Variants in ZNF675 observed in about 807,000 individuals in gnomAD.
ZNF675 encodes zinc finger protein 675, also known as TRAF6 inhibitory zinc finger.
In ZNF675, 36 loss-of-function variants were observed where a neutral mutation model predicts 56.1. That is an observed-to-expected ratio of 0.64 (90% CI 0.49 to 0.85). ZNF675 has a LOEUF of 0.85. ZNF675 is among the 40% of genes least tolerant of loss of function. The pLI is 0.00. For synonymous variants in ZNF675, 200 were observed against 218.9 expected, an observed-to-expected ratio of 0.91 and a Z score of 0.76; for missense variants, 663 against 654.2, an observed-to-expected ratio of 1.01 and a Z score of -0.15.
intron 1 of ZNF675, among the ~76,000 whole-genome samples, chr19:23,666,627 C>T (rs1210827687): frequency 6.6e-6 from 1 of 152,142 alleles, no homozygotes; most frequent in Non-Finnish European, 1.5e-5. Context: ...ATTCTTTGTT[C>T]AAAAGGCCAA....
chr19:23,678,568 T>TG (rs1968332117), intron 1 of ZNF675, among the ~76,000 whole-genome samples: 1 of 11,918 alleles, frequency 8.4e-5, no homozygotes, highest in Non-Finnish European at 2.8e-4. Context: ...TATTCTTAAC[T>TG]TAAAAAAAAA....
chr19:23,661,402 A>AC (rs1388589692), intron 3 of ZNF675, among the ~76,000 whole-genome samples: 2 of 14,608 alleles, frequency 1.4e-4, no homozygotes, highest in South Asian at 0.013. Context: ...AAATGAAAAA[A>AC]AAAAAGGGCG....
rs749671678 is a variant in ZNF675, at chr19:23,654,061, T to C, written c.872A>G (p.Lys291Arg). Reference sequence around the variant, plus strand: ...AAGATTTGAGAACTGGTTAAAGGCTTTGCCACATTCTTCACATTTGTAGGG... The same window carrying C: ...AAGATTTGAGAACTGGTTAAAGGCTCTGCCACATTCTTCACATTTGTAGGG... ...EKPYKCEECG[K>R]AFNQFSNLTT... is the part of the protein sequence containing the mutation. Residue 291 changes from lysine (K) to arginine (R), a missense_variant, in exon 4 of 4, where the codon AAA becomes AGA. Coordinates refer to ENST00000359788, the MANE Select transcript of ZNF675 (RefSeq NM_138330.3). 7.7e-5 allele frequency: 125 copies of C among 1,613,716 alleles called. 1 individual carries two copies. The highest frequency in any genetic ancestry group is 1.0e-4 in the Non-Finnish European group (121 of 1,180,018).
intron 3 of ZNF675, among the ~76,000 whole-genome samples, chr19:23,661,151 C>T (rs550384232): frequency 6.6e-6 from 1 of 152,022 alleles, no homozygotes; most frequent in South Asian, 2.1e-4. Flanking sequence ...GGTTTCCAAA[C>T]TGCTGAATCA....
chr19:23,663,308 A>G lies in ZNF675; in HGVS notation c.4-150T>C, dbSNP rs1489971267. 4.0e-6 allele frequency: 4 copies of G among 1,006,544 alleles called. No individual in the cohort carries two copies. In the East Asian group the frequency reaches 9.4e-5, roughly 24 times the overall value. 62.4% of individuals were successfully genotyped at this position (1,006,544 alleles called of 1,614,324 possible). A position where few individuals can be genotyped will look rare whatever the true frequency, so the allele number is the denominator to read the frequency against. ...ATAAAATCATATTTTTTACACAGAA[A>G]TATTTCCTAATGTGTTCTCTAACCC... On this transcript the variant is annotated intron_variant, in intron 1 of 3. Coordinates refer to ENST00000359788, the MANE Select transcript of ZNF675 (RefSeq NM_138330.3).
chr19:23,657,818 C>T (rs982983679), intron 3 of ZNF675, among the ~76,000 whole-genome samples: 4 of 151,932 alleles, frequency 2.6e-5, no homozygotes, highest in African/African-American at 9.7e-5. Flanking sequence ...TAAGCCATAA[C>T]CAAAATTGGG....
chr19:23,676,939 T>C (rs972393405), intron 1 of ZNF675, among the ~76,000 whole-genome samples: 16 of 150,924 alleles, frequency 1.1e-4, no homozygotes, highest in Non-Finnish European at 2.1e-4. Flanking sequence ...CCACGCGTGG[T>C]GGCGGGCGCC....
intron 1 of ZNF675, among the ~76,000 whole-genome samples, chr19:23,676,864 G>A (rs1968302544): frequency 6.6e-6 from 1 of 151,290 alleles, no homozygotes; most frequent in Admixed American, 6.6e-5. Flanking sequence ...CACGAGGTCA[G>A]GAGATGGAGA....
intron 1 of ZNF675, among the ~76,000 whole-genome samples, chr19:23,679,121 C>T (rs28767619): frequency 0.97 from 139,073 of 143,262 alleles, 67,765 homozygotes; most frequent in East Asian, 1. Context: ...GAGCCAAGAT[C>T]GTGCCACTGC....
chr19:23,676,219 C>A lies in ZNF675; in HGVS notation c.3+10812G>T, dbSNP rs144730288. ...AATCAAATTAATAATAAGTAGCCTA[C>A]CAACCAAAAAAAGCCCAGGACCAGA... is the stretch of plus-strand genomic sequence containing the variant. On this transcript the variant is annotated intron_variant, in intron 1 of 3. Transcript: ENST00000359788. Among the ~76,000 whole-genome samples, 434 of 151,714 alleles carry A rather than the reference C, an allele frequency of 2.9e-3. 17 individuals are homozygous for A. The highest frequency in any genetic ancestry group is 0.01 in the African/African-American group (422 of 41,116).
At chr19:23,685,879 G>C (rs1315899271) in intron 1 of ZNF675, among the ~76,000 whole-genome samples, 13 of 152,156 alleles carry the variant, frequency 8.5e-5, no homozygotes, top group Admixed American at 8.5e-4. Context: ...CAGCTTGAGA[G>C]AACTGTGAAA....
rs1284600733 is a variant in ZNF675 at position 23,653,852 on chromosome 19, T to A, written c.1081A>T (p.Ile361Phe). 2 of 1,613,624 alleles carry A rather than the reference T, an allele frequency of 1.2e-6. No individual in the cohort carries two copies. Among genetic ancestry groups the A allele is most frequent in the Non-Finnish European group, 1.7e-6 (2 of 1,179,856 alleles). Residue 361 changes from isoleucine to phenylalanine, a missense_variant, in exon 4 of 4, where the codon ATT becomes TTT. This residue lies in a region of ZNF675 where 617 missense variants were observed against 590.5 expected (regional missense o/e 1.04). Coordinates refer to ENST00000359788, the MANE Select transcript of ZNF675 (RefSeq NM_138330.3). ...TTGTAGGGTTGCTCTCCAGTATGAA[T>A]GTTTTTATGTTCAGTAAGTTTTGAG... ...RSSKLTEHKNIHTGEQPYKCE... is the reference protein window; with the variant it reads ...RSSKLTEHKNFHTGEQPYKCE...
At chr19:23,669,803 AGAT>A (rs1284540488) in intron 1 of ZNF675, among the ~76,000 whole-genome samples, 2 of 152,000 alleles carry the variant, frequency 1.3e-5, no homozygotes, top group African/African-American at 2.4e-5. Context: ...CAGTGAGCCA[AGAT>A]CATGCCACTG....
chr19:23,658,099 C>T (rs990406190), intron 3 of ZNF675, among the ~76,000 whole-genome samples: 3 of 152,068 alleles, frequency 2.0e-5, no homozygotes, highest in Non-Finnish European at 2.9e-5. Flanking sequence ...CAGTGGCTCA[C>T]GTCTGTAATC....
At chr19:23,659,923 C>G (rs1415052152) in intron 3 of ZNF675, among the ~76,000 whole-genome samples, 3 of 152,136 alleles carry the variant, frequency 2.0e-5, no homozygotes, top group South Asian at 4.1e-4. Context: ...AGTTTATGGT[C>G]AGTTCTGCCT....
At chr19:23,661,271 A>G (rs1487773223) in intron 3 of ZNF675, among the ~76,000 whole-genome samples, 1 of 152,038 alleles carries the variant, frequency 6.6e-6, no homozygotes, top group South Asian at 2.1e-4. Context: ...TCAGCCTCCC[A>G]AAGTGCTGGG....
chr19:23,672,623 C>G (rs1443539711), intron 1 of ZNF675, among the ~76,000 whole-genome samples: 2 of 152,208 alleles, frequency 1.3e-5, no homozygotes, highest in Non-Finnish European at 2.9e-5. Flanking sequence ...AAACCTGGCT[C>G]TGCATTCCTG....
intron 1 of ZNF675, among the ~76,000 whole-genome samples, chr19:23,686,756 G>C (rs950072783): frequency 6.6e-6 from 1 of 152,220 alleles, no homozygotes; most frequent in Non-Finnish European, 1.5e-5. Context: ...TGCACAATCT[G>C]AGAGAAATGC....
Position 23,678,260 on chromosome 19 carries a change from TC to T in ZNF675, c.3+8770del, listed in dbSNP as rs1373266021. ...ATTTCTATGAAACTATCAAAAATATTCTTTTTTTTTTTTTTTGACGGAGTTT... is the reference window on the plus strand; with the variant it reads ...ATTTCTATGAAACTATCAAAAATATTTTTTTTTTTTTTTTTGACGGAGTTT... On this transcript the variant is annotated intron_variant, in intron 1 of 3. Coordinates refer to ENST00000359788, the MANE Select transcript of ZNF675 (RefSeq NM_138330.3). Among the ~76,000 whole-genome samples the T allele has an allele frequency of 1.1e-4, 7 of 61,698 alleles. 1 individual carries two copies. Among genetic ancestry groups the T allele is most frequent in the Admixed American group, 4.8e-4 (2 of 4,176 alleles). 40.5% of individuals were successfully genotyped at this position (61,698 alleles called of 152,430 possible).
Sources: gnomAD v4.1 joint callset for allele counts (sites outside exome capture counted in the v4.1 genomes callset) on GRCh38, gnomAD v4.1.1 for gene constraint, gnomAD v4.1.1 regional missense constraint, MANE v1.5 for transcripts, NCBI Gene and HGNC (gene_info 2026-07-23, HGNC 2026-07-21) for gene names.